The following RPAIN variants were observed in gnomAD, a reference collection of about 807,000 sequenced individuals.
The protein encoded by RPAIN is RPA-interacting protein.
Under a neutral mutation model 30.5 loss-of-function variants are expected in RPAIN, and 29 were observed. That is an observed-to-expected ratio of 0.95 (90% CI 0.71 to 1.30). The LOEUF (loss-of-function observed/expected upper bound fraction) is 1.30, where lower values mean the gene tolerates loss of function less well. Ranked by LOEUF, RPAIN falls within the 50% of genes most tolerant of loss-of-function variation. The pLI is 0.00. For synonymous variants in RPAIN, 101 were observed against 93.5 expected, an observed-to-expected ratio of 1.08 and a Z score of -0.46; for missense variants, 247 against 264.7, an observed-to-expected ratio of 0.93 and a Z score of 0.46.
intron 2 of RPAIN, 82 bp from the exon 3 acceptor site, chr17:5,422,687 C>A: frequency 7.5e-7 from 1 of 1,326,944 alleles, no homozygotes; most frequent in Non-Finnish European, 1.1e-6. Flanking sequence ...GTTCTTCAAG[C>A]CAGCCTCCAA....
chr17:5,431,853 T>C (rs1597347733), intron 6 of RPAIN: 1 of 336,198 alleles, frequency 3.0e-6, no homozygotes. Flanking sequence ...CCTGTGGAAG[T>C]GGTAAGAAAC....
chr17:5,427,006 A>C (rs1275177996), intron 5 of RPAIN: 5 of 152,232 alleles, frequency 3.3e-5, no homozygotes, highest in African/African-American at 1.2e-4. Flanking sequence ...CAAGTTTGCC[A>C]GTTAATTGAG....
In RPAIN at chr17:5,425,975, G is replaced by A; in HGVS notation, c.318G>A (p.Gln106=). 6.2e-7 allele frequency: 1 copy of A among 1,612,280 alleles called. No homozygotes were observed. The highest frequency in any genetic ancestry group is 8.5e-7 in the Non-Finnish European group (1 of 1,178,598). ...EIQQELINQE[Q]SIISEYEKSL... Reference sequence around the variant, plus strand: ...CCAACTGCCTTTGCCTTGCAGAGCAGTCCATCATCAGCGAGTATGAGAAGA... The same window carrying A: ...CCAACTGCCTTTGCCTTGCAGAGCAATCCATCATCAGCGAGTATGAGAAGA... Residue 106 remains glutamine, a synonymous_variant, in exon 4 of 7, where the codon CAG becomes CAA. Coordinates refer to ENST00000381209, the MANE Select transcript of RPAIN (RefSeq NM_001033002.4).
intron 6 of RPAIN, 149 bp from the exon 7 acceptor site, chr17:5,432,390 GTCA>G (rs1240043638): frequency 4.4e-6 from 3 of 683,742 alleles, no homozygotes; most frequent in South Asian, 1.8e-5. Context: ...AAGAGGGGCG[GTCA>G]TCATGACAAA....
At chr17:5,431,183 T>G in intron 6 of RPAIN, 2 of 315,964 alleles carry the variant, frequency 6.3e-6, no homozygotes, top group Non-Finnish European at 6.1e-6. Context: ...GAGGTGGGGG[T>G]CACAGCAAAT....
At position 5,432,647 on chromosome 17, in the gene RPAIN, C is replaced by A; in HGVS notation, c.*76C>A. The A allele has an allele frequency of 2.3e-6, 3 of 1,321,486 alleles. No homozygotes were observed. Among genetic ancestry groups the A allele is most frequent in the Non-Finnish European group, 2.1e-6 (2 of 930,770 alleles). 81.9% of individuals were successfully genotyped at this position (1,321,486 alleles called of 1,614,324 possible). A position where few individuals can be genotyped will look rare whatever the true frequency, so the allele number is the denominator to read the frequency against. On this transcript the variant is annotated 3_prime_UTR_variant, in exon 7 of 7. Coordinates refer to ENST00000381209, the MANE Select transcript of RPAIN (RefSeq NM_001033002.4). ...TCTGAGGAGCCTTGTACATACAAGC[C>A]TTTTATTTATAACTTATTTTGTATT... is the stretch of plus-strand genomic sequence containing the variant.
chr17:5,427,933 G>T, intron 5 of RPAIN, 138 bp from the exon 6 acceptor site: 3 of 785,812 alleles, frequency 3.8e-6, no homozygotes, highest in Admixed American at 3.9e-5. Flanking sequence ...ACAGTCATGG[G>T]CCCGAGTGTC....
chr17:5,425,569 C>G (rs1258271032), intron 3 of RPAIN: 4 of 349,988 alleles, frequency 1.1e-5, no homozygotes, highest in South Asian at 8.9e-5. Context: ...CTCCTGACCT[C>G]GAGTGATCTG....
intron 1 of RPAIN, 24 bp downstream of exon 1, chr17:5,420,315 G>A (rs746810027): frequency 1.9e-6 from 3 of 1,601,740 alleles, no homozygotes; most frequent in African/African-American, 1.3e-5. Flanking sequence ...TTGTGCAGTG[G>A]TCTACCCTAG....
At chr17:5,424,400 G>C (rs919690982) in intron 3 of RPAIN, among the ~76,000 whole-genome samples, 1 of 152,104 alleles carries the variant, frequency 6.6e-6, no homozygotes, top group African/African-American at 2.4e-5. Flanking sequence ...CAAAGTGTTG[G>C]GATTACAGAC....
chr17:5,432,023 T>C (rs1365636058), intron 6 of RPAIN: 1 of 245,554 alleles, frequency 4.1e-6, no homozygotes, highest in East Asian at 1.2e-4. Flanking sequence ...CTGGATTCCT[T>C]AGCATAGTGG....
At chr17:5,431,766 G>A in intron 6 of RPAIN, 1 of 406,134 alleles carries the variant, frequency 2.5e-6, no homozygotes, top group Admixed American at 2.8e-5. Context: ...GTGCTCAAGT[G>A]GTGGTCCTGG....
intron 1 of RPAIN, 69 bp downstream of exon 1, chr17:5,420,360 C>T (rs763234138): frequency 2.9e-6 from 4 of 1,384,404 alleles, no homozygotes; most frequent in African/African-American, 1.4e-5. Context: ...CCTGCCTTCG[C>T]CTTAGCCCTG....
chr17:5,428,501 C>A, intron 6 of RPAIN: 1 of 1,394,038 alleles, frequency 7.2e-7, no homozygotes. Flanking sequence ...TTGGATTCAG[C>A]TGGTCATTTC....
At chr17:5,427,852 G>T (rs1164677135) in intron 5 of RPAIN, 7 of 567,020 alleles carry the variant, frequency 1.2e-5, no homozygotes, top group Non-Finnish European at 2.2e-5. Flanking sequence ...CAGTGTGTTT[G>T]ACAGCAGGAG....
rs745362024 is a variant in RPAIN, at chr17:5,426,063, A to G, written c.406A>G (p.Ile136Val). The change falls in exon 4 of 7, where the codon ATC becomes GTC. Residue 136 changes from isoleucine to valine, a missense_variant. By Grantham distance (29) the Ile-to-Val change is conservative. Coordinates refer to ENST00000381209, the MANE Select transcript of RPAIN (RefSeq NM_001033002.4). Reference sequence around the variant, plus strand: ...GGCTGAGTGGGAGGCAAACCCACTCATCTGTCCTGTATGTACAAAGTAAGA... The same window carrying G: ...GGCTGAGTGGGAGGCAAACCCACTCGTCTGTCCTGTATGTACAAAGTAAGA... ...MLAEWEANPL[I>V]CPVCTKYNLR... is the part of the protein sequence containing the mutation. 2.5e-6 allele frequency: 4 copies of G among 1,612,910 alleles called. No individual in the cohort carries two copies. Among genetic ancestry groups the G allele is most frequent in the Non-Finnish European group, 3.4e-6 (4 of 1,179,104 alleles).
intron 6 of RPAIN, chr17:5,432,137 C>T (rs1916031371): frequency 4.4e-6 from 1 of 229,372 alleles, no homozygotes; most frequent in Non-Finnish European, 8.7e-6. Flanking sequence ...ATGGTTTGCA[C>T]CTCCCCTATG....
At chr17:5,428,594 G>A (rs1915628518) in intron 6 of RPAIN, 2 of 1,028,782 alleles carry the variant, frequency 1.9e-6, no homozygotes, top group African/African-American at 3.3e-5. Context: ...GCAGCATTAG[G>A]TTTGTCTGTC....
At chr17:5,430,599 T>C (rs1173943383) in intron 6 of RPAIN, 3 of 152,334 alleles carry the variant, frequency 2.0e-5, no homozygotes, top group African/African-American at 7.2e-5. Context: ...CCTTGGGCTT[T>C]CACCGTACCT....
Sources: allele counts gnomAD v4.1 joint callset (sites outside exome capture counted in the v4.1 genomes callset), GRCh38; gene constraint gnomAD v4.1.1; transcripts MANE v1.5; gene names NCBI Gene and HGNC (gene_info 2026-07-23, HGNC 2026-07-21).